The following CSMD1 variants were observed in gnomAD, a reference collection of about 807,000 sequenced individuals.
CSMD1 encodes the protein CUB and Sushi multiple domains 1.
Under a neutral mutation model 417.5 loss-of-function variants are expected in CSMD1, and 213 were observed. That is an observed-to-expected ratio of 0.51 (90% CI 0.46 to 0.57). The LOEUF is 0.57. Ranked by LOEUF, CSMD1 falls within the 20% of genes least tolerant of loss-of-function variation. CSMD1 has a pLI of 0.00. For synonymous variants in CSMD1, 2,862 were observed against 1,736.8 expected (o/e 1.65, Z -16.11); for missense variants, 6,923 against 4,529.7 (o/e 1.53, Z -15.17).
intron 5 of CSMD1, among the ~76,000 whole-genome samples, chr8:3,795,199 C>G (rs1386030094): frequency 5.7e-5 from 6 of 104,924 alleles, no homozygotes; most frequent in African/African-American, 2.6e-4. Context: ...CTATCATGTA[C>G]AGATATAGAT....
intron 37 of CSMD1, among the ~76,000 whole-genome samples, chr8:3,178,290 A>G (rs1431484541): frequency 6.6e-6 from 1 of 152,000 alleles, no homozygotes; most frequent in Admixed American, 6.6e-5. Context: ...TTTCATTTCT[A>G]TATGAGAAAA....
chr8:3,445,571 G>A (rs772641659), intron 12 of CSMD1, among the ~76,000 whole-genome samples: 17 of 151,968 alleles, frequency 1.1e-4, no homozygotes, highest in Admixed American at 3.3e-4. Flanking sequence ...ATGAAAGTGC[G>A]GATGATGAAT....
intron 10 of CSMD1, among the ~76,000 whole-genome samples, chr8:3,545,050 G>C (rs1025552838): frequency 2.6e-5 from 4 of 152,018 alleles, no homozygotes; most frequent in Admixed American, 6.6e-5. Context: ...TTCAAATATG[G>C]TATTTCCTGA....
intron 3 of CSMD1, among the ~76,000 whole-genome samples, chr8:4,387,093 A>G (rs1214507581): frequency 6.6e-6 from 1 of 152,202 alleles, no homozygotes; most frequent in African/African-American, 2.4e-5. Flanking sequence ...AAGCCAATTA[A>G]TAGAGTTAGG....
chr8:4,435,461 C>G (rs1047381108), intron 2 of CSMD1, among the ~76,000 whole-genome samples: 2 of 152,184 alleles, frequency 1.3e-5, no homozygotes, highest in African/African-American at 4.8e-5. Flanking sequence ...TCACTGGTTT[C>G]CACAGAAAAT....
At chr8:4,236,026 G>GTTTTTTTTTTTTT (rs147378202) in intron 3 of CSMD1, among the ~76,000 whole-genome samples, 2 of 108,086 alleles carry the variant, frequency 1.9e-5, no homozygotes, top group African/African-American at 4.2e-5. Context: ...AATGGATATT[G>GTTTTTTTTTTTTT]TTTTTTTTGT....
chr8:4,978,706 G>A (rs1226565363), intron 1 of CSMD1, among the ~76,000 whole-genome samples: 1 of 152,168 alleles, frequency 6.6e-6, no homozygotes, highest in African/African-American at 2.4e-5. Context: ...GGGAGGCCAA[G>A]GGGAATGGAT....
intron 12 of CSMD1, among the ~76,000 whole-genome samples, chr8:3,455,719 C>T (rs1295964338): frequency 2.6e-5 from 4 of 152,208 alleles, no homozygotes; most frequent in Non-Finnish European, 2.9e-5. Flanking sequence ...TCAGACTGCC[C>T]CTACTGGGGA....
rs540790169 is a variant in CSMD1, at chr8:4,020,799, G to C, written c.610+11106C>G. Among the ~76,000 whole-genome samples, 8 of 152,272 alleles carry C rather than the reference G, an allele frequency of 5.3e-5. No homozygotes were observed. In the South Asian group the frequency reaches 8.3e-4, roughly 16 times the overall value. On this transcript the variant is annotated intron_variant, in intron 4 of 69. Coordinates refer to ENST00000635120, the MANE Select transcript of CSMD1 (RefSeq NM_033225.6). Reference sequence around the variant, plus strand: ...TAAGGTCTGAAATGAGATTTCTTTTGAGAAAACTTTTTAGATTAATCAAGA... The same window carrying C: ...TAAGGTCTGAAATGAGATTTCTTTTCAGAAAACTTTTTAGATTAATCAAGA...
chr8:4,101,924 G>C (rs914840594), intron 3 of CSMD1, among the ~76,000 whole-genome samples: 1 of 152,124 alleles, frequency 6.6e-6, no homozygotes, highest in African/African-American at 2.4e-5. Context: ...CATTTTCCCA[G>C]TGGACTTGCT....
intron 4 of CSMD1, among the ~76,000 whole-genome samples, chr8:4,025,234 T>C (rs1416576091): frequency 1.3e-5 from 2 of 152,220 alleles, no homozygotes; most frequent in African/African-American, 2.4e-5. Flanking sequence ...AGGAGGATTT[T>C]CTAAATACAA....
At chr8:3,311,906 C>G (rs1392800430) in intron 23 of CSMD1, among the ~76,000 whole-genome samples, 3 of 152,144 alleles carry the variant, frequency 2.0e-5, no homozygotes, top group Non-Finnish European at 4.4e-5. Context: ...GCTATTAATG[C>G]TTTAAACGTT....
intron 2 of CSMD1, among the ~76,000 whole-genome samples, chr8:4,624,464 T>G (rs1487913297): frequency 6.6e-6 from 1 of 152,158 alleles, no homozygotes. Context: ...AAGGCTGCAG[T>G]TGTCAATCAC....
intron 3 of CSMD1, among the ~76,000 whole-genome samples, chr8:4,286,659 G>T (rs1216637445): frequency 6.6e-6 from 1 of 152,172 alleles, no homozygotes; most frequent in Non-Finnish European, 1.5e-5. Flanking sequence ...AAAGGGGATA[G>T]CAATCATACT....
chr8:4,009,230 C>A (rs1010347200), intron 4 of CSMD1, among the ~76,000 whole-genome samples: 4 of 152,156 alleles, frequency 2.6e-5, no homozygotes, highest in East Asian at 3.9e-4. Context: ...TCAGAATGAA[C>A]TGATTTCTAT....
intron 2 of CSMD1, among the ~76,000 whole-genome samples, chr8:4,452,128 C>G (rs540087998): frequency 5.9e-4 from 90 of 152,232 alleles, no homozygotes; most frequent in African/African-American, 1.9e-3. Flanking sequence ...GAGGTCTGTA[C>G]AAACACCAGC....
intron 1 of CSMD1, among the ~76,000 whole-genome samples, chr8:4,739,263 T>G (rs1205406995): frequency 3.9e-5 from 6 of 152,198 alleles, no homozygotes; most frequent in Non-Finnish European, 5.9e-5. Context: ...AATATAGCAA[T>G]GCAGCAATTT....
intron 54 of CSMD1, among the ~76,000 whole-genome samples, chr8:2,995,223 T>C (rs531829691): frequency 2.2e-4 from 33 of 152,100 alleles, no homozygotes; most frequent in Non-Finnish European, 4.7e-4. Flanking sequence ...AACAATTCCA[T>C]TAGGATGTGA....
intron 10 of CSMD1, among the ~76,000 whole-genome samples, chr8:3,501,508 A>G (rs1563098713): frequency 2.0e-5 from 3 of 152,212 alleles, no homozygotes; most frequent in Admixed American, 6.5e-5. Flanking sequence ...AAGACCCTAC[A>G]TCTTGGAATA....
Sources: allele counts gnomAD v4.1 joint callset (sites outside exome capture counted in the v4.1 genomes callset), GRCh38; gene constraint gnomAD v4.1.1; transcripts MANE v1.5; gene names NCBI Gene and HGNC (gene_info 2026-07-23, HGNC 2026-07-21).